GABRA1: variants seen among roughly 807,000 people sequenced by gnomAD.
The protein encoded by GABRA1 is gamma-aminobutyric acid type A receptor subunit alpha1, also known as gamma-aminobutyric acid receptor subunit alpha-1.
A neutral mutation model predicts 48.9 loss-of-function variants in GABRA1; 9 were observed. The observed-to-expected ratio is 0.18, with a 90% CI of 0.11 to 0.32. The LOEUF is 0.32. GABRA1 is among the 10% of genes least tolerant of loss of function. GABRA1 has a pLI of 1.00. For synonymous variants in GABRA1, 210 were observed against 198.7 expected, an observed-to-expected ratio of 1.06 and a Z score of -0.48; for missense variants, 285 against 553.8, an observed-to-expected ratio of 0.51 and a Z score of 4.87.
intron 1 of GABRA1, chr5:161,848,909 C>A (rs954014988): frequency 2.2e-6 from 1 of 452,554 alleles, no homozygotes; most frequent in Non-Finnish European, 4.4e-6. Flanking sequence ...ACGCTCTTGT[C>A]CTGGCTGCAA....
At chr5:161,851,545 T>G (rs1757447004) in intron 2 of GABRA1, among the ~76,000 whole-genome samples, 1 of 152,164 alleles carries the variant, frequency 6.6e-6, no homozygotes, top group African/African-American at 2.4e-5. Context: ...TAGAAACTAT[T>G]TACATGACTA....
In GABRA1 at chr5:161,854,510, A is replaced by G. The variant is rs551268295; in HGVS notation, c.187+240A>G. Among the ~76,000 whole-genome samples the G allele has an allele frequency of 2.6e-4, 40 of 151,854 alleles. 1 individual carries two copies. Among genetic ancestry groups the G allele is most frequent in the African/African-American group, 6.7e-4 (28 of 41,530 alleles). ...ACGAAGCAGATGCTACATTTATATG[A>G]TAAGCACAGTACTTTCTGTGTAACG... On this transcript the variant is annotated intron_variant, in intron 3 of 9. Transcript: ENST00000393943.
chr5:161,895,598 G>C, intron 8 of GABRA1, 68 bp from the exon 9 acceptor site: 1 of 1,351,138 alleles, frequency 7.4e-7, no homozygotes, highest in East Asian at 2.4e-5. Flanking sequence ...GTTCAAGTAG[G>C]CTGTCCCATC....
intron 1 of GABRA1, chr5:161,850,037 T>G (rs1757371977): frequency 6.6e-6 from 1 of 150,784 alleles, no homozygotes; most frequent in African/African-American, 2.4e-5. Context: ...CCTGGCAGAA[T>G]TTGAGAGGGC....
At chr5:161,858,172 G>A (rs1351290475) in intron 3 of GABRA1, among the ~76,000 whole-genome samples, 2 of 151,262 alleles carry the variant, frequency 1.3e-5, no homozygotes, top group African/African-American at 4.8e-5. Context: ...TTTTAAATCA[G>A]GACGAAACCA....
rs941295209 is a variant in GABRA1, at chr5:161,891,121, C to A, written c.856+71C>A. On this transcript the variant is annotated intron_variant, in intron 8 of 9. Transcript: ENST00000393943. Reference sequence around the variant, plus strand: ...AAGTTATGTCATATCTGTGACACTGCAAAGAGAAATAAAAAAAAATATACA... The same window carrying A: ...AAGTTATGTCATATCTGTGACACTGAAAAGAGAAATAAAAAAAAATATACA... The A allele has an allele frequency of 1.4e-5, 20 of 1,406,260 alleles. No homozygotes were observed. The Middle Eastern group carries it at 1.1e-3, about 75-fold the overall frequency. The allele number at this position is 1,406,260 out of a possible 1,614,324, so 87.1% of individuals were successfully genotyped here.
At chr5:161,868,300 G>A (rs1481182619) in intron 4 of GABRA1, among the ~76,000 whole-genome samples, 2 of 152,096 alleles carry the variant, frequency 1.3e-5, no homozygotes, top group African/African-American at 4.8e-5. Flanking sequence ...TTGCTGGGGT[G>A]TACATTATGC....
At chr5:161,896,573 T>A (rs560934877) in intron 9 of GABRA1, among the ~76,000 whole-genome samples, 1 of 152,256 alleles carries the variant, frequency 6.6e-6, no homozygotes, top group Non-Finnish European at 1.5e-5. Context: ...GCAAGTAAGC[T>A]TTGGGATGCT....
At chr5:161,870,061 G>T (rs1474642582) in intron 4 of GABRA1, among the ~76,000 whole-genome samples, 1 of 152,052 alleles carries the variant, frequency 6.6e-6, no homozygotes, top group Non-Finnish European at 1.5e-5. Context: ...CTATGTTCTA[G>T]GCACTCTTAA....
rs1755479293 is a variant in GABRA1, at chr5:161,898,624, G to A, written c.*1202G>A. ...TATGGGTGTGAAGTCCACTTATGTA[G>A]ACAAAACTTATAATTTCCAAACTGT... On this transcript the variant is annotated 3_prime_UTR_variant, in exon 10 of 10. Coordinates refer to ENST00000393943, the MANE Select transcript of GABRA1 (RefSeq NM_001127644.2). The A allele has an allele frequency of 6.6e-6, 1 of 152,300 alleles. No homozygotes were observed. The highest frequency in any genetic ancestry group is 2.1e-4 in the South Asian group (1 of 4,830). The allele number at this position is 152,300 out of a possible 1,614,324, so 9.4% of individuals were successfully genotyped here. A position where few individuals can be genotyped will look rare whatever the true frequency, so the allele number is the denominator to read the frequency against.
chr5:161,882,499 C>G lies in GABRA1; in HGVS notation c.560-59C>G, dbSNP rs374728343. On this transcript the variant is annotated intron_variant, in intron 6 of 9. Transcript: ENST00000393943. ...ATATGAAGCTGATGAAAGGTACCAA[C>G]TAAATAAGAGAATTGAAGTGGTAAA... 941 of 1,504,196 alleles carry G rather than the reference C, an allele frequency of 6.3e-4. 8 individuals carry two copies. In the South Asian group the frequency reaches 0.01, roughly 16 times the overall value. The allele number at this position is 1,504,196 out of a possible 1,614,324, so 93.2% of individuals were successfully genotyped here.
intron 6 of GABRA1, among the ~76,000 whole-genome samples, chr5:161,877,736 T>G (rs189463186): frequency 8.5e-5 from 13 of 152,248 alleles, no homozygotes; most frequent in Non-Finnish European, 1.5e-4. Context: ...AAGAGGTAAA[T>G]GTATAGTGAG....
At chr5:161,870,731 C>A (rs566352310) in intron 4 of GABRA1, among the ~76,000 whole-genome samples, 5 of 152,158 alleles carry the variant, frequency 3.3e-5, no homozygotes, top group Admixed American at 3.3e-4. Context: ...TGAACTGTGC[C>A]CATGGGGCAA....
chr5:161,855,746 A>G (rs2113313400), intron 3 of GABRA1, among the ~76,000 whole-genome samples: 1 of 151,524 alleles, frequency 6.6e-6, no homozygotes, highest in South Asian at 2.1e-4. Context: ...TAAATTTTAC[A>G]TAGCAAGACT....
At chr5:161,847,425 C>T (rs1427620671), upstream of GABRA1, 1 of 152,164 alleles carries the variant, frequency 6.6e-6, no homozygotes, top group African/African-American at 2.4e-5. Context: ...ACAGCGCCTG[C>T]GTTTTCTCCA....
chr5:161,896,389 C>T (rs1755370000), intron 9 of GABRA1, among the ~76,000 whole-genome samples: 1 of 152,114 alleles, frequency 6.6e-6, no homozygotes, highest in Non-Finnish European at 1.5e-5. Context: ...TAGACATATG[C>T]TTTAGGGATC....
chr5:161,897,603 G>A lies in GABRA1; in HGVS notation c.*181G>A. 1 of 627,678 alleles carries A rather than the reference G, an allele frequency of 1.6e-6. No individual in the cohort carries two copies. Among genetic ancestry groups the A allele is most frequent in the Non-Finnish European group, 2.7e-6 (1 of 363,906 alleles). The allele number at this position is 627,678 out of a possible 1,614,324, so 38.9% of individuals were successfully genotyped here. The stretch of plus-strand genomic sequence containing the variant: ...GGCAGTCTGGAGCAAAGCAGACTAT[G>A]CAGCTTGGAGACAGGATTCTGACAG... On this transcript the variant is annotated 3_prime_UTR_variant, in exon 10 of 10. Coordinates refer to ENST00000393943, the MANE Select transcript of GABRA1 (RefSeq NM_001127644.2).
At chr5:161,873,011 A>G (rs917705412) in intron 4 of GABRA1, 106 bp from the exon 5 acceptor site, 4 of 822,524 alleles carry the variant, frequency 4.9e-6, no homozygotes, top group Non-Finnish European at 8.6e-6. Flanking sequence ...TCACCTAGCT[A>G]ACATTATACT....
chr5:161,860,306 T>C (rs1757803096), intron 3 of GABRA1, among the ~76,000 whole-genome samples: 1 of 151,830 alleles, frequency 6.6e-6, no homozygotes, highest in African/African-American at 2.4e-5. Context: ...AATATTTTCC[T>C]GAGATAAAAT....
Sources: gnomAD v4.1 joint callset for allele counts (sites outside exome capture counted in the v4.1 genomes callset) on GRCh38, gnomAD v4.1.1 for gene constraint, MANE v1.5 for transcripts, NCBI Gene and HGNC (gene_info 2026-07-23, HGNC 2026-07-21) for gene names.